Variants in GTF2A1L observed in about 807,000 individuals in gnomAD.
GTF2A1L encodes TFIIA-alpha and beta-like factor.
Under a neutral mutation model 49.7 loss-of-function variants are expected in GTF2A1L, and 48 were observed. That is an observed-to-expected ratio of 0.97 (90% confidence interval 0.77 to 1.23). GTF2A1L has a LOEUF of 1.23. Among genes scored for constraint, GTF2A1L ranks in the 50% most tolerant of loss-of-function variants. GTF2A1L has a pLI of 0.00. For synonymous variants in GTF2A1L, 246 were observed against 193.5 expected, an observed-to-expected ratio of 1.27 and a Z score of -2.25; for missense variants, 736 against 564.8, an observed-to-expected ratio of 1.30 and a Z score of -3.07.
intron 3 of GTF2A1L, among the ~76,000 whole-genome samples, chr2:48,626,388 C>A (rs6712842): frequency 0.97 from 138,734 of 142,826 alleles, 68,000 homozygotes; most frequent in East Asian, 0.99. Context: ...GAATTTTAGA[C>A]TTTTTTTTGT....
At chr2:48,671,418 A>G (rs1347713310) in intron 7 of GTF2A1L, among the ~76,000 whole-genome samples, 173 bp from the exon 8 acceptor site, 1 of 150,872 alleles carries the variant, frequency 6.6e-6, no homozygotes, top group Non-Finnish European at 1.5e-5. Flanking sequence ...TGCCCAAGTA[A>G]GTCTTGAACT....
chr2:48,624,378 T>C (rs35258848), intron 3 of GTF2A1L, among the ~76,000 whole-genome samples: 23,418 of 143,746 alleles, frequency 0.16, 4,562 homozygotes, highest in African/African-American at 0.27. Context: ...TTAATGAGGT[T>C]TGCAGAAATG....
At chr2:48,649,283 A>G (rs1677713174) in intron 6 of GTF2A1L, among the ~76,000 whole-genome samples, 1 of 152,192 alleles carries the variant, frequency 6.6e-6, no homozygotes, top group Non-Finnish European at 1.5e-5. Context: ...TTAAGGCTGA[A>G]TCATGTGAGT....
chr2:48,666,188 A>T (rs1482640124), intron 6 of GTF2A1L, among the ~76,000 whole-genome samples: 1 of 151,546 alleles, frequency 6.6e-6, no homozygotes, highest in Non-Finnish European at 1.5e-5. Context: ...CATTGTATTT[A>T]AAGTGAGTTT....
chr2:48,622,014 C>T lies in GTF2A1L; in HGVS notation c.247+724C>T, dbSNP rs118127567. On this transcript the variant is annotated intron_variant, in intron 3 of 8. Coordinates refer to ENST00000403751, the MANE Select transcript of GTF2A1L (RefSeq NM_006872.5). ...GTATATATAAATGTATACTCGCATA[C>T]AAACAAGTTTTATTGGGTTTAGCTG... Among the ~76,000 whole-genome samples, 58 of 152,250 alleles carry T rather than the reference C, an allele frequency of 3.8e-4. No homozygotes were observed. In the East Asian group the frequency reaches 9.4e-3, roughly 25 times the overall value.
intron 3 of GTF2A1L, among the ~76,000 whole-genome samples, chr2:48,630,915 A>G (rs1676532806): frequency 6.6e-6 from 1 of 152,166 alleles, no homozygotes; most frequent in African/African-American, 2.4e-5. Flanking sequence ...TTGTCAATAA[A>G]TCATATTTAT....
intron 6 of GTF2A1L, among the ~76,000 whole-genome samples, chr2:48,666,133 A>G (rs1394427687): frequency 6.6e-6 from 1 of 151,518 alleles, no homozygotes; most frequent in East Asian, 1.9e-4. Flanking sequence ...TAGTGTTTGC[A>G]TGGTATGTGT....
intron 3 of GTF2A1L, among the ~76,000 whole-genome samples, chr2:48,623,277 CT>C (rs1379374339): frequency 1.3e-5 from 2 of 152,122 alleles, no homozygotes; most frequent in African/African-American, 4.8e-5. Flanking sequence ...TTTTTTATCT[CT>C]TTTGATAGCA....
chr2:48,670,662 C>T (rs1679119060), intron 7 of GTF2A1L, among the ~76,000 whole-genome samples: 1 of 152,064 alleles, frequency 6.6e-6, no homozygotes, highest in African/African-American at 2.4e-5. Flanking sequence ...TATATATGTG[C>T]CAGGCATCAT....
At chr2:48,637,719 G>C (rs1346845465) in intron 3 of GTF2A1L, among the ~76,000 whole-genome samples, 1 of 152,080 alleles carries the variant, frequency 6.6e-6, no homozygotes, top group Non-Finnish European at 1.5e-5. Flanking sequence ...AGATAGATAG[G>C]CTGCTGGCTA....
chr2:48,628,311 A>G (rs1027355211), intron 3 of GTF2A1L, among the ~76,000 whole-genome samples: 2 of 144,548 alleles, frequency 1.4e-5, no homozygotes, highest in Admixed American at 7.0e-5. Flanking sequence ...ACTGTTGTCC[A>G]CAGTGGCTGA....
intron 7 of GTF2A1L, among the ~76,000 whole-genome samples, chr2:48,671,260 T>TC (rs1679147884): frequency 1.3e-5 from 2 of 152,182 alleles, no homozygotes; most frequent in Non-Finnish European, 2.9e-5. Flanking sequence ...TTGAGTGCAG[T>TC]GGTGTGATCA....
chr2:48,672,058 T>C (rs1679198452), intron 8 of GTF2A1L, among the ~76,000 whole-genome samples: 1 of 152,204 alleles, frequency 6.6e-6, no homozygotes, highest in Non-Finnish European at 1.5e-5. Context: ...TGCTAAGATA[T>C]GCAGCACAGA....
chr2:48,619,406 G>A (rs1440375849), intron 1 of GTF2A1L, among the ~76,000 whole-genome samples: 2 of 151,184 alleles, frequency 1.3e-5, no homozygotes, highest in Non-Finnish European at 2.9e-5. Flanking sequence ...GGAGGCAGAT[G>A]TTGCAGTGGG....
intron 8 of GTF2A1L, 21 bp downstream of exon 8, chr2:48,671,701 A>G (rs746107800): frequency 1.3e-6 from 2 of 1,598,436 alleles, no homozygotes; most frequent in South Asian, 2.3e-5. Flanking sequence ...TACCTTTTGG[A>G]CTTTGGGTTT....
At chr2:48,651,125 C>A (rs1016514656) in intron 6 of GTF2A1L, among the ~76,000 whole-genome samples, 6 of 151,990 alleles carry the variant, frequency 3.9e-5, no homozygotes, top group Admixed American at 3.9e-4. Context: ...ATTGTACTAC[C>A]CAGTCACAGA....
chr2:48,639,857 A>G lies in GTF2A1L; in HGVS notation c.248-2545A>G, dbSNP rs546937543. On this transcript the variant is annotated intron_variant, in intron 3 of 8. Transcript: ENST00000403751. ...ACTTAAACAAATTTACAAGAGAAGA[A>G]CAAACAGTCCCGTTAAAATGTGGAT... Among the ~76,000 whole-genome samples the G allele has an allele frequency of 5.9e-5, 9 of 152,340 alleles. No homozygotes were observed. The South Asian group carries it at 1.9e-3, about 32-fold the overall frequency.
rs111953050 is a variant in GTF2A1L, at chr2:48,636,095, C to T, written c.248-6307C>T. ...GGATTTGGAGTATCCTGCATGATTCCATTAGATTCTCATTTTCCTTCTTGA... is the reference window on the plus strand; with the variant it reads ...GGATTTGGAGTATCCTGCATGATTCTATTAGATTCTCATTTTCCTTCTTGA... On this transcript the variant is annotated intron_variant, in intron 3 of 8. Coordinates refer to ENST00000403751, the MANE Select transcript of GTF2A1L (RefSeq NM_006872.5). Among the ~76,000 whole-genome samples the T allele has an allele frequency of 2.7e-3, 412 of 152,232 alleles. 6 individuals are homozygous for T. The highest frequency in any genetic ancestry group is 9.7e-3 in the African/African-American group (401 of 41,536).
intron 6 of GTF2A1L, among the ~76,000 whole-genome samples, chr2:48,667,210 C>T (rs1678899044): frequency 6.6e-6 from 1 of 151,652 alleles, no homozygotes; most frequent in Non-Finnish European, 1.5e-5. Context: ...CTGCCAGCTT[C>T]AGTGTCCCAA....
Sources: gnomAD v4.1 joint callset for allele counts (sites outside exome capture counted in the v4.1 genomes callset) on GRCh38, gnomAD v4.1.1 for gene constraint, MANE v1.5 for transcripts, NCBI Gene and HGNC (gene_info 2026-07-23, HGNC 2026-07-21) for gene names.